The following WDR97 variants were observed in gnomAD, a reference collection of about 807,000 sequenced individuals.
WDR97 encodes the protein WD repeat-containing protein 97.
WDR97 carries 111 observed loss-of-function variants against 65.4 expected under a neutral mutation model. The ratio of observed to expected loss-of-function variants is 1.70; its 90% CI spans 1.45 to 1.99. WDR97 has a LOEUF of 1.99. Among genes scored for constraint, WDR97 ranks in the 30% most tolerant of loss-of-function variants. The pLI is 0.00. For missense variants in WDR97, 1,674 were observed against 865.0 expected (o/e 1.94, Z -11.73); for synonymous variants, 802 against 397.7 (o/e 2.02, Z -12.10).
At position 144,115,975 on chromosome 8, in the gene WDR97, A is replaced by C. The variant is rs758879229; in HGVS notation, c.4628A>C (p.Lys1543Thr). 1.9e-4 allele frequency: 135 copies of C among 700,984 alleles called. No homozygotes were observed. The highest frequency in any genetic ancestry group is 1.9e-4 in the Non-Finnish European group (72 of 384,434). 43.4% of individuals were successfully genotyped at this position (700,984 alleles called of 1,614,324 possible). A position where few individuals can be genotyped will look rare whatever the true frequency, so the allele number is the denominator to read the frequency against. The part of the protein sequence containing the change: ...YHPILRLQEA[K>T]PQRSARSAMR... ...CCCATCCTCCGGCTGCAGGAGGCCA[A>C]GCCGCAGAGGTCCGCGAGGTCCGCG... Residue 1543 changes from lysine to threonine, a missense_variant, in exon 23 of 24, where the codon AAG (lysine) becomes ACG (threonine). Lys to Thr is a moderately conservative substitution (Grantham distance 78). Transcript: ENST00000323662.
Position 144,116,166 on chromosome 8 carries a change from G to T in WDR97, c.4742G>T (p.Arg1581Leu), listed in dbSNP as rs1481993419. 1 of 700,394 alleles carries T rather than the reference G, an allele frequency of 1.4e-6. No individual in the cohort carries two copies. Among genetic ancestry groups the T allele is most frequent in the African/African-American group, 1.7e-5 (1 of 57,278 alleles). The allele number at this position is 700,394 out of a possible 1,614,324, so 43.4% of individuals were successfully genotyped here. Reference sequence around the variant, plus strand: ...CGGACGCTGAAGCTGCCGTTGCCGCGTGTGGAGCCGCAGCCTTTCCCCCTG... The same window carrying T: ...CGGACGCTGAAGCTGCCGTTGCCGCTTGTGGAGCCGCAGCCTTTCCCCCTG... The part of the protein sequence containing the change: ...PIRTLKLPLP[R>L]VEPQPFPLDW... Residue 1581 changes from arginine (R) to leucine (L), a missense_variant, in exon 24 of 24, where the codon CGT becomes CTT. Arg to Leu is a moderately radical substitution (Grantham distance 102). Transcript: ENST00000323662.
At chr8:144,116,044 C>T (rs1341724457) in intron 23 of WDR97, 31 bp downstream of exon 23, 1 of 698,510 alleles carries the variant, frequency 1.4e-6, no homozygotes, top group South Asian at 1.5e-5. Flanking sequence ...AGACTGGACC[C>T]CACCCACCCC....
At position 144,111,982 on chromosome 8, in the gene WDR97, C is replaced by T. The variant is rs760595772; in HGVS notation, c.2733C>T (p.Ala911=). Residue 911 remains alanine (A), a synonymous_variant, in exon 13 of 24, where the codon GCC becomes GCT. Coordinates refer to ENST00000323662, the MANE Select transcript of WDR97 (RefSeq NM_001316309.2). Reference sequence around the variant, plus strand: ...ATGTGTGTGCTGTACCCCAAGCTGCCCACTGTCTTGCCCGGGCTGAGGTCA... The same window carrying T: ...ATGTGTGTGCTGTACCCCAAGCTGCTCACTGTCTTGCCCGGGCTGAGGTCA... The part of the protein sequence containing the change: ...TRDVCAVPQA[A]HCLARAEVST... 3 of 702,616 alleles carry T rather than the reference C, an allele frequency of 4.3e-6. No homozygotes were observed. The South Asian group carries it at 4.4e-5, about 10-fold the overall frequency. 43.5% of individuals were successfully genotyped at this position (702,616 alleles called of 1,614,324 possible). A position where few individuals can be genotyped will look rare whatever the true frequency, so the allele number is the denominator to read the frequency against.
chr8:144,113,675 G>A lies in WDR97; in HGVS notation c.3202G>A (p.Ala1068Thr), dbSNP rs542669217. Residue 1068 changes from alanine (A) to threonine (T), a missense_variant, in exon 17 of 24, where the codon GCC becomes ACC. Transcript: ENST00000323662. ...TCTGCAGCCAGGGGCAAGCCAGGAT[G>A]CCCTGTGGTTGTGGCGCCCCAGGCC... ...LNAEPGASQDALWLWRPRPSQ... is the reference protein window; with the variant it reads ...LNAEPGASQDTLWLWRPRPSQ... The A allele has an allele frequency of 6.0e-6, 4 of 665,026 alleles. No homozygotes were observed. Among genetic ancestry groups the A allele is most frequent in the Admixed American group, 2.1e-5 (1 of 47,160 alleles). The allele number at this position is 665,026 out of a possible 1,614,324, so 41.2% of individuals were successfully genotyped here. A position where few individuals can be genotyped will look rare whatever the true frequency, so the allele number is the denominator to read the frequency against.
intron 15 of WDR97, 125 bp from the exon 16 acceptor site, chr8:144,113,314 CG>C (rs1836584689): frequency 9.0e-6 from 6 of 665,326 alleles, no homozygotes; most frequent in South Asian, 7.9e-5. Context: ...AGCCAGCTCT[CG>C]GAGGCCTGGC....
chr8:144,116,348 C>G lies in WDR97; in HGVS notation c.*55C>G. On this transcript the variant is annotated 3_prime_UTR_variant, in exon 24 of 24. Transcript: ENST00000323662. ...CTGGGGCCTGTCATTGGTATTTGGC[C>G]AAGGCCTGCATCGGGAATAAAGTCC... The G allele has an allele frequency of 1.7e-6, 1 of 578,602 alleles. No individual in the cohort carries two copies. The highest frequency in any genetic ancestry group is 2.1e-5 in the South Asian group (1 of 46,930). 35.8% of individuals were successfully genotyped at this position (578,602 alleles called of 1,614,324 possible).
chr8:144,113,395 T>TG (rs5895787), intron 15 of WDR97, 45 bp from the exon 16 acceptor site: 690,721 of 700,956 alleles, frequency 0.99, 341,032 homozygotes, highest in East Asian at 1. Context: ...GTGTCCAGGC[T>TG]GGGGAATCCA....
In WDR97 at chr8:144,109,397, G is replaced by C. The variant is rs978124481; in HGVS notation, c.1063G>C (p.Gly355Arg). 5.7e-6 allele frequency: 4 copies of C among 702,446 alleles called. No homozygotes were observed. The highest frequency in any genetic ancestry group is 4.0e-5 in the Admixed American group (2 of 49,978). 43.5% of individuals were successfully genotyped at this position (702,446 alleles called of 1,614,324 possible). ...TTLVLSASQD[G>R]TLRTWDLQAA... The stretch of plus-strand genomic sequence containing the variant: ...CCTGGTGTTGTCGGCCTCGCAGGAC[G>C]GGACGCTACGCACCTGGGACCTGCA... Residue 355 changes from glycine (G) to arginine (R), a missense_variant, in exon 5 of 24, where the codon GGG becomes CGG. Coordinates refer to ENST00000323662, the MANE Select transcript of WDR97 (RefSeq NM_001316309.2).
intron 15 of WDR97, chr8:144,113,078 C>G (rs1216264157): frequency 2.5e-6 from 1 of 400,102 alleles, no homozygotes; most frequent in African/African-American, 2.1e-5. Flanking sequence ...TGCCCTTTCT[C>G]CAAGCTCCTT....
rs1356685042 is a variant in WDR97, at chr8:144,110,505, G to A, written c.2008G>A (p.Val670Met). 2.8e-6 allele frequency: 2 copies of A among 703,000 alleles called. No individual in the cohort carries two copies. Among genetic ancestry groups the A allele is most frequent in the Admixed American group, 2.0e-5 (1 of 50,030 alleles). 43.5% of individuals were successfully genotyped at this position (703,000 alleles called of 1,614,324 possible). A position where few individuals can be genotyped will look rare whatever the true frequency, so the allele number is the denominator to read the frequency against. ...CCCAGACAGCGCTACCTACGGCCTG[G>A]TGCAGTTTGGCCTGGGCGACAGTCC... The part of the protein sequence containing the change: ...EDPDSATYGL[V>M]QFGLGDSPRL... The change falls in exon 7 of 24, where the codon GTG becomes ATG. Residue 670 changes from valine (V) to methionine (M), a missense_variant. Val to Met is a conservative substitution (Grantham distance 21). Transcript: ENST00000323662.
rs1205279227 is a variant in WDR97, at chr8:144,114,001, C to T, written c.3433C>T (p.Pro1145Ser). ...GAGTGCTGTGGACTGGACCCAGGAG[C>T]CCCGGCGGCGCAGCTGCAAGGTTGC... ...DQSAVDWTQE[P>S]RRRSCKVART... Residue 1145 changes from proline (P) to serine (S), a missense_variant, in exon 18 of 24, where the codon CCC (proline) becomes TCC (serine). By Grantham distance (74) the Pro-to-Ser change is moderately conservative. Transcript: ENST00000323662. 1 of 702,728 alleles carries T rather than the reference C, an allele frequency of 1.4e-6. No individual in the cohort carries two copies. The highest frequency in any genetic ancestry group is 2.0e-5 in the Admixed American group (1 of 50,014). 43.5% of individuals were successfully genotyped at this position (702,728 alleles called of 1,614,324 possible).
At chr8:144,113,272 C>A in intron 15 of WDR97, 168 bp from the exon 16 acceptor site, 1 of 622,738 alleles carries the variant, frequency 1.6e-6, no homozygotes, top group Non-Finnish European at 2.9e-6. Flanking sequence ...GGTTCTCCTG[C>A]CATCTGTGTT....
At position 144,110,384 on chromosome 8, in the gene WDR97, C is replaced by T. The variant is rs539883762; in HGVS notation, c.1887C>T (p.Ala629=). 4 of 702,972 alleles carry T rather than the reference C, an allele frequency of 5.7e-6. No homozygotes were observed. The South Asian group carries it at 5.9e-5, about 10-fold the overall frequency. The allele number at this position is 702,972 out of a possible 1,614,324, so 43.5% of individuals were successfully genotyped here. The part of the protein sequence containing the change: ...TVKMWRVFPY[A]EESLSLLRTF... The stretch of plus-strand genomic sequence containing the variant: ...AGATGTGGCGCGTCTTCCCCTATGC[C>T]GAAGAGAGCCTGAGCCTGCTGCGCA... Residue 629 remains alanine (A), a synonymous_variant, in exon 7 of 24, where the codon GCC becomes GCT. Coordinates refer to ENST00000323662, the MANE Select transcript of WDR97 (RefSeq NM_001316309.2).
At position 144,116,307 on chromosome 8, in the gene WDR97, C is replaced by T; in HGVS notation, c.*14C>T. The T allele has an allele frequency of 1.7e-6, 1 of 601,084 alleles. No individual in the cohort carries two copies. The highest frequency in any genetic ancestry group is 2.6e-4 in the Middle Eastern group (1 of 3,886). The allele number at this position is 601,084 out of a possible 1,614,324, so 37.2% of individuals were successfully genotyped here. A position where few individuals can be genotyped will look rare whatever the true frequency, so the allele number is the denominator to read the frequency against. ...ACCTACAGCTGACCGGACTGGTGGC[C>T]TCAGCCCGCCTGGCTCTGGGGCCTG... On this transcript the variant is annotated 3_prime_UTR_variant, in exon 24 of 24. Coordinates refer to ENST00000323662, the MANE Select transcript of WDR97 (RefSeq NM_001316309.2).
chr8:144,110,637 C>T lies in WDR97; in HGVS notation c.2081-12C>T, dbSNP rs1329399304. The T allele has an allele frequency of 1.4e-6, 1 of 702,858 alleles. No individual in the cohort carries two copies. Among genetic ancestry groups the T allele is most frequent in the Admixed American group, 2.0e-5 (1 of 50,024 alleles). 43.5% of individuals were successfully genotyped at this position (702,858 alleles called of 1,614,324 possible). A position where few individuals can be genotyped will look rare whatever the true frequency, so the allele number is the denominator to read the frequency against. ...CCCAGCTCCGGTTCCTGACCCTGAACCCTGCCGCCAGGCCTGTGCTGCTGC... is the reference window on the plus strand; with the variant it reads ...CCCAGCTCCGGTTCCTGACCCTGAATCCTGCCGCCAGGCCTGTGCTGCTGC... On this transcript the variant is annotated splice_polypyrimidine_tract_variant and intron_variant, in intron 7 of 23. Coordinates refer to ENST00000323662, the MANE Select transcript of WDR97 (RefSeq NM_001316309.2).
Position 144,113,691 on chromosome 8 carries a change from G to GC in WDR97, c.3222dup (p.Arg1075GlnfsTer96). 1 of 671,914 alleles carries GC rather than the reference G, an allele frequency of 1.5e-6. No individual in the cohort carries two copies. The highest frequency in any genetic ancestry group is 2.7e-6 in the Non-Finnish European group (1 of 366,932). 41.6% of individuals were successfully genotyped at this position (671,914 alleles called of 1,614,324 possible). ...AGCCAGGATGCCCTGTGGTTGTGGC[G>GC]CCCCAGGCCATCCCAAACCCAGTGG... is the stretch of plus-strand genomic sequence containing the variant. On this transcript the variant is annotated frameshift_variant, in exon 17 of 24. Coordinates refer to ENST00000323662, the MANE Select transcript of WDR97 (RefSeq NM_001316309.2). LOFTEE classifies it high-confidence loss of function.
chr8:144,113,318 G>A (rs535891696), intron 15 of WDR97, 122 bp from the exon 16 acceptor site: 4 of 666,878 alleles, frequency 6.0e-6, no homozygotes, highest in African/African-American at 1.8e-5. Flanking sequence ...AGCTCTCGGA[G>A]GCCTGGCAGG....
At chr8:144,114,195 G>A in intron 18 of WDR97, 33 bp downstream of exon 18, 1 of 699,044 alleles carries the variant, frequency 1.4e-6, no homozygotes, top group Non-Finnish European at 2.6e-6. Context: ...TGAGAAGCAT[G>A]GGTTAGGGTG....
In WDR97 at chr8:144,115,508, G is replaced by A; in HGVS notation, c.4245G>A (p.Glu1415=). The A allele has an allele frequency of 1.4e-6, 1 of 697,092 alleles. No homozygotes were observed. Among genetic ancestry groups the A allele is most frequent in the Admixed American group, 2.0e-5 (1 of 49,580 alleles). 43.2% of individuals were successfully genotyped at this position (697,092 alleles called of 1,614,324 possible). The change falls in exon 22 of 24, where the codon GAG becomes GAA. Residue 1415 remains glutamate (E), a synonymous_variant. Coordinates refer to ENST00000323662, the MANE Select transcript of WDR97 (RefSeq NM_001316309.2). ...SPAEPHSLAP[E]LQAQRMLAPK... ...CGGAGCCGCACTCTTTAGCCCCGGAGCTCCAGGCCCAGCGGATGCTGGCAC... is the reference window on the plus strand; with the variant it reads ...CGGAGCCGCACTCTTTAGCCCCGGAACTCCAGGCCCAGCGGATGCTGGCAC...
Sources: gnomAD v4.1 joint callset for allele counts on GRCh38, gnomAD v4.1.1 for gene constraint, MANE v1.5 for transcripts, NCBI Gene and HGNC (gene_info 2026-07-23, HGNC 2026-07-21) for gene names.